Variants in SLF1 observed in about 807,000 individuals in gnomAD.
The protein encoded by SLF1 is SMC5/6 complex localization factor 1.
In SLF1, 105 loss-of-function variants were observed where a neutral mutation model predicts 123.0. The observed-to-expected ratio is 0.85, with a 90% CI of 0.73 to 1.00. The LOEUF (loss-of-function observed/expected upper bound fraction) is 1.00, where lower values mean the gene tolerates loss of function less well. Ranked by LOEUF, SLF1 falls within the 50% of genes least tolerant of loss-of-function variation. The pLI is 0.00. For synonymous variants in SLF1, 434 were observed against 406.6 expected (o/e 1.07, Z -0.81); for missense variants, 1,239 against 1,223.0 (o/e 1.01, Z -0.20).
chr5:94,659,777 C>T (rs1279282915), intron 9 of SLF1, among the ~76,000 whole-genome samples: 1 of 152,186 alleles, frequency 6.6e-6, no homozygotes, highest in Admixed American at 6.5e-5. Flanking sequence ...CCAGTCATCA[C>T]AGGTCTGGGT....
intron 10 of SLF1, among the ~76,000 whole-genome samples, chr5:94,663,289 A>T (rs2152486444): frequency 6.6e-6 from 1 of 152,372 alleles, no homozygotes; most frequent in Non-Finnish European, 1.5e-5. Flanking sequence ...TCTTTGAACT[A>T]CATAGTCTCA....
rs745895625 is a variant in SLF1, at chr5:94,689,526, CAGA to C, written c.2342_2344del (p.Glu781del). ...TCATTAAAAAAATTGAAAAAGAAGT[CAGA>C]AGGAGAATTGTCATGTTCCAAGGAG... On this transcript the variant is annotated inframe_deletion, in exon 18 of 21. Transcript: ENST00000265140. 3.9e-4 allele frequency: 631 copies of C among 1,612,188 alleles called. 1 individual carries two copies. The highest frequency in any genetic ancestry group is 8.2e-4 in the Admixed American group (49 of 59,946).
intron 12 of SLF1, among the ~76,000 whole-genome samples, chr5:94,666,794 G>T (rs1260800022): frequency 2.6e-5 from 4 of 151,900 alleles, no homozygotes; most frequent in Admixed American, 2.6e-4. Context: ...GTGCCTCCAC[G>T]TCCAGCTAAT....
rs1747756956 is a variant in SLF1, at chr5:94,651,820, T to G, written c.857T>G (p.Phe286Cys). 1 of 1,473,558 alleles carries G rather than the reference T, an allele frequency of 6.8e-7. No homozygotes were observed. Among genetic ancestry groups the G allele is most frequent in the South Asian group, 1.4e-5 (1 of 73,068 alleles). 91.3% of individuals were successfully genotyped at this position (1,473,558 alleles called of 1,614,324 possible). A position where few individuals can be genotyped will look rare whatever the true frequency, so the allele number is the denominator to read the frequency against. The change falls in exon 7 of 21, where the codon TTT (phenylalanine) becomes TGT (cysteine). Residue 286 changes from phenylalanine (F) to cysteine (C), a missense_variant. Transcript: ENST00000265140. The part of the protein sequence containing the change: ...DLKFVKMRNT[F>C]GSHTYENQKE... ...AAATTTGTTAAAATGAGAAATACCT[T>G]TGGAAGCCATACATATGAAAATCAG...
chr5:94,631,012 G>A (rs1042427310), intron 4 of SLF1, among the ~76,000 whole-genome samples: 2 of 152,096 alleles, frequency 1.3e-5, no homozygotes, highest in African/African-American at 4.8e-5. Context: ...AACAAAAAAG[G>A]AAAACTAATT....
intron 5 of SLF1, among the ~76,000 whole-genome samples, chr5:94,645,744 A>G (rs1041263170): frequency 1.3e-5 from 2 of 152,206 alleles, no homozygotes; most frequent in African/African-American, 4.8e-5. Flanking sequence ...GTTTTAGAAT[A>G]CATTGTTTTA....
chr5:94,691,398 C>A, intron 18 of SLF1, 166 bp from the exon 19 acceptor site: 1 of 217,234 alleles, frequency 4.6e-6, no homozygotes. Context: ...TTCCCACCCC[C>A]CACCCCCGCC....
rs117106244 is a variant in SLF1 at position 94,659,196 on chromosome 5, A to G, written c.1156-3102A>G. Among the ~76,000 whole-genome samples the G allele has an allele frequency of 3.8e-3, 576 of 151,822 alleles. 5 individuals are homozygous for G. Among genetic ancestry groups the G allele is most frequent in the East Asian group, 0.032 (167 of 5,172 alleles). ...CAGGATTTCTGTTTGGTTCTTTTCTATGATTATCTCTTTGTTGAATTTCTC... is the reference window on the plus strand; with the variant it reads ...CAGGATTTCTGTTTGGTTCTTTTCTGTGATTATCTCTTTGTTGAATTTCTC... On this transcript the variant is annotated intron_variant, in intron 9 of 20. Transcript: ENST00000265140.
At chr5:94,656,051 G>A (rs1748339769) in intron 9 of SLF1, among the ~76,000 whole-genome samples, 1 of 152,006 alleles carries the variant, frequency 6.6e-6, no homozygotes, top group Admixed American at 6.6e-5. Flanking sequence ...GGCTTTCATG[G>A]TTTTCCCATT....
intron 11 of SLF1, among the ~76,000 whole-genome samples, chr5:94,665,263 A>T (rs559908653): frequency 6.6e-6 from 1 of 151,996 alleles, no homozygotes; most frequent in Non-Finnish European, 1.5e-5. Context: ...TGTAGAACCT[A>T]TGGACGTGAA....
intron 1 of SLF1, among the ~76,000 whole-genome samples, chr5:94,628,222 T>C (rs1024998428): frequency 6.6e-6 from 1 of 151,890 alleles, no homozygotes; most frequent in African/African-American, 2.4e-5. Flanking sequence ...CTTGGCTCAC[T>C]GCAACCACTG....
chr5:94,695,012 T>A lies in SLF1; in HGVS notation c.2877T>A (p.Leu959=). ...YQQLEFGSFL[L]SRMLLNFCSI... ...AACTTGAATTTGGCTCCTTTTTACT[T>A]AGTAGGATGTTGCTAAATTTTTGTT... Residue 959 remains leucine (L), a synonymous_variant, in exon 21 of 21, where the codon CTT becomes CTA. Transcript: ENST00000265140. 6.2e-7 allele frequency: 1 copy of A among 1,612,282 alleles called. No individual in the cohort carries two copies. Among genetic ancestry groups the A allele is most frequent in the Non-Finnish European group, 8.5e-7 (1 of 1,179,070 alleles).
At chr5:94,672,182 A>C (rs1750539918) in intron 14 of SLF1, among the ~76,000 whole-genome samples, 1 of 152,092 alleles carries the variant, frequency 6.6e-6, no homozygotes, top group African/African-American at 2.4e-5. Flanking sequence ...CTGATATATC[A>C]TGACTACTAG....
At chr5:94,641,245 G>A (rs1233377592) in intron 4 of SLF1, among the ~76,000 whole-genome samples, 1 of 136,524 alleles carries the variant, frequency 7.3e-6, no homozygotes, top group African/African-American at 2.7e-5. Context: ...AGTATTGGAA[G>A]GTGGGGCCTT....
At chr5:94,694,724 T>G in intron 20 of SLF1, 107 bp from the exon 21 acceptor site, 2 of 1,356,810 alleles carry the variant, frequency 1.5e-6, no homozygotes, top group Admixed American at 5.0e-5. Context: ...ATACAAAATA[T>G]GATTGCAAAG....
At chr5:94,680,129 A>C (rs1339754075) in intron 15 of SLF1, among the ~76,000 whole-genome samples, 1 of 152,142 alleles carries the variant, frequency 6.6e-6, no homozygotes, top group Non-Finnish European at 1.5e-5. Context: ...ATAAAGAAAA[A>C]ATTCTTCAGT....
chr5:94,625,848 A>G (rs2152463664), intron 1 of SLF1, among the ~76,000 whole-genome samples: 1 of 152,270 alleles, frequency 6.6e-6, no homozygotes, highest in Non-Finnish European at 1.5e-5. Flanking sequence ...AATCATTATT[A>G]TTTCTAACAA....
At chr5:94,625,124 C>T (rs1019655001) in intron 1 of SLF1, among the ~76,000 whole-genome samples, 17 of 149,818 alleles carry the variant, frequency 1.1e-4, no homozygotes, top group Admixed American at 1.1e-3. Context: ...ACCCGGGAGG[C>T]GGAGCTTGCA....
intron 10 of SLF1, 56 bp downstream of exon 10, chr5:94,662,407 G>GTTA (rs10684163): frequency 0.22 from 299,461 of 1,391,940 alleles, 34,213 homozygotes; most frequent in East Asian, 0.34. Context: ...TTTGTGTTTT[G>GTTA]TTATTAGTTA....
Sources: gnomAD v4.1 joint callset for allele counts (sites outside exome capture counted in the v4.1 genomes callset) on GRCh38, gnomAD v4.1.1 for gene constraint, MANE v1.5 for transcripts, NCBI Gene and HGNC (gene_info 2026-07-23, HGNC 2026-07-21) for gene names.